Variants in ASTN2 observed in about 807,000 individuals in gnomAD.
ASTN2 encodes astrotactin 2.
Under a neutral mutation model 139.8 loss-of-function variants are expected in ASTN2, and 54 were observed. That is an observed-to-expected ratio of 0.39 (90% CI 0.31 to 0.48). The LOEUF is 0.48. Among genes scored for constraint, ASTN2 ranks in the 20% least tolerant of loss-of-function variants. ASTN2 has a pLI of 0.95. For missense variants in ASTN2, 1,565 were observed against 1,725.1 expected (o/e 0.91, Z 1.64); for synonymous variants, 756 against 719.5 (o/e 1.05, Z -0.81).
chr9:116,632,162 G>C (rs865786815), intron 17 of ASTN2, among the ~76,000 whole-genome samples: 12 of 35,568 alleles, frequency 3.4e-4, no homozygotes, highest in African/African-American at 1.2e-3. Flanking sequence ...GAGAGACAGA[G>C]AGAGAGAGAG....
At chr9:116,824,463 A>T (rs1051708015) in intron 11 of ASTN2, among the ~76,000 whole-genome samples, 4 of 152,176 alleles carry the variant, frequency 2.6e-5, no homozygotes, top group Admixed American at 2.0e-4. Flanking sequence ...CTTATGTGGC[A>T]AGGAAGTAAC....
intron 16 of ASTN2, among the ~76,000 whole-genome samples, chr9:116,707,610 A>G (rs1275083731): frequency 1.3e-5 from 2 of 152,192 alleles, no homozygotes; most frequent in Admixed American, 1.3e-4. Flanking sequence ...ACAAAAAACT[A>G]AAACAGAGGT....
chr9:116,821,631 C>T (rs1249035698), intron 11 of ASTN2, among the ~76,000 whole-genome samples: 1 of 152,134 alleles, frequency 6.6e-6, no homozygotes, highest in East Asian at 1.9e-4. Flanking sequence ...GTAAATGAAT[C>T]TTAAAACATG....
chr9:117,100,698 T>C (rs746764721), intron 4 of ASTN2, among the ~76,000 whole-genome samples: 5 of 152,214 alleles, frequency 3.3e-5, no homozygotes, highest in Non-Finnish European at 7.3e-5. Context: ...AAGATGAAGA[T>C]GAATAAGCCA....
At chr9:116,501,237 T>C (rs577201216) in intron 19 of ASTN2, among the ~76,000 whole-genome samples, 1 of 152,316 alleles carries the variant, frequency 6.6e-6, no homozygotes, top group Admixed American at 6.5e-5. Flanking sequence ...GTTCTTGCGA[T>C]AGTTTACTGA....
intron 2 of ASTN2, among the ~76,000 whole-genome samples, chr9:117,230,251 A>C (rs1383894656): frequency 1.3e-5 from 2 of 151,320 alleles, no homozygotes; most frequent in African/African-American, 2.4e-5. Flanking sequence ...TTAGTTCAGG[A>C]GGCCAGAAGT....
At chr9:117,246,037 C>A (rs191959716) in intron 2 of ASTN2, among the ~76,000 whole-genome samples, 1 of 152,120 alleles carries the variant, frequency 6.6e-6, no homozygotes, top group African/African-American at 2.4e-5. Flanking sequence ...GTCCCTGATG[C>A]GTGGCATAGT....
intron 4 of ASTN2, among the ~76,000 whole-genome samples, chr9:117,098,148 G>A (rs1248001805): frequency 6.6e-6 from 1 of 152,136 alleles, no homozygotes; most frequent in East Asian, 1.9e-4. Context: ...CCACTCATGA[G>A]CGAACCCTGA....
At chr9:116,807,524 G>A (rs1418321979) in intron 12 of ASTN2, among the ~76,000 whole-genome samples, 1 of 152,196 alleles carries the variant, frequency 6.6e-6, no homozygotes, top group African/African-American at 2.4e-5. Flanking sequence ...AAAGGGCCCT[G>A]TCTCAGAGCC....
chr9:116,924,881 G>A (rs188699506), intron 10 of ASTN2, among the ~76,000 whole-genome samples: 2 of 152,194 alleles, frequency 1.3e-5, no homozygotes, highest in African/African-American at 4.8e-5. Flanking sequence ...AACCTTCTGG[G>A]AGTGCAGCCC....
chr9:117,060,453 A>T (rs1318704769), intron 5 of ASTN2, among the ~76,000 whole-genome samples: 1 of 93,356 alleles, frequency 1.1e-5, no homozygotes, highest in Non-Finnish European at 2.1e-5. Context: ...AGAAAGAAAG[A>T]AAGAAAGGAA....
chr9:116,664,541 G>A (rs2131968457), intron 16 of ASTN2, among the ~76,000 whole-genome samples: 1 of 150,990 alleles, frequency 6.6e-6, no homozygotes, highest in Admixed American at 6.6e-5. Flanking sequence ...CAAGGTCCAG[G>A]GATAAGAATA....
intron 12 of ASTN2, among the ~76,000 whole-genome samples, chr9:116,812,916 G>A (rs2132257936): frequency 6.6e-6 from 1 of 152,226 alleles, no homozygotes; most frequent in East Asian, 1.9e-4. Context: ...TCCTTGTAAA[G>A]GAAAATGATC....
intron 7 of ASTN2, among the ~76,000 whole-genome samples, chr9:116,986,344 A>G (rs1241607008): frequency 2.0e-5 from 3 of 152,096 alleles, no homozygotes; most frequent in Non-Finnish European, 4.4e-5. Flanking sequence ...TAATTCCTCT[A>G]TACCTGGCAC....
At chr9:117,384,385 T>C (rs1252252389) in intron 1 of ASTN2, among the ~76,000 whole-genome samples, 1 of 152,180 alleles carries the variant, frequency 6.6e-6, no homozygotes, top group Non-Finnish European at 1.5e-5. Context: ...TTTTACAGTA[T>C]AACACATCTC....
At chr9:116,489,942 A>G (rs868371376) in intron 19 of ASTN2, among the ~76,000 whole-genome samples, 1 of 152,192 alleles carries the variant, frequency 6.6e-6, no homozygotes, top group Non-Finnish European at 1.5e-5. Flanking sequence ...CAGACCTGAG[A>G]CTGAGTACTA....
chr9:116,490,272 TAAAAAAAAAAAAAAA>T (rs140391473), intron 19 of ASTN2, among the ~76,000 whole-genome samples: 15 of 37,906 alleles, frequency 4.0e-4, no homozygotes, highest in East Asian at 1.4e-3. Context: ...TGATAAAAAG[TAAAAAAAAAAAAAAA>T]AAAAAAAAAA....
intron 1 of ASTN2, among the ~76,000 whole-genome samples, chr9:117,336,328 C>T (rs776283487): frequency 8.5e-5 from 13 of 152,118 alleles, no homozygotes; most frequent in Non-Finnish European, 1.0e-4. Context: ...GATTAATTTG[C>T]TCTTTGTTTC....
intron 3 of ASTN2, among the ~76,000 whole-genome samples, chr9:117,154,687 T>C (rs1330016910): frequency 6.6e-6 from 1 of 152,030 alleles, no homozygotes; most frequent in Non-Finnish European, 1.5e-5. Context: ...ATAAAACAAA[T>C]GGTTAAAACA....
Sources: gnomAD v4.1 joint callset for allele counts (sites outside exome capture counted in the v4.1 genomes callset) on GRCh38, gnomAD v4.1.1 for gene constraint, MANE v1.5 for transcripts, NCBI Gene and HGNC (gene_info 2026-07-23, HGNC 2026-07-21) for gene names.